Variants in DENND1A observed in about 807,000 individuals in gnomAD.
DENND1A encodes DENN domain containing 1A, also known as DENN domain-containing protein 1A.
In DENND1A, 51 loss-of-function variants were observed where a neutral mutation model predicts 113.7. That is an observed-to-expected ratio of 0.45 (90% CI 0.36 to 0.57). The LOEUF is 0.57. Ranked by LOEUF, DENND1A falls within the 20% of genes least tolerant of loss-of-function variation. The pLI, the probability that DENND1A is intolerant of heterozygous loss-of-function variation, is 0.00. For synonymous variants in DENND1A, 565 were observed against 570.8 expected (o/e 0.99, Z 0.14); for missense variants, 1,258 against 1,395.9 (o/e 0.90, Z 1.57).
chr9:123,854,424 G>T (rs973281544), intron 2 of DENND1A, among the ~76,000 whole-genome samples: 1 of 152,162 alleles, frequency 6.6e-6, no homozygotes, highest in East Asian at 1.9e-4. Flanking sequence ...AGCTGGGCAC[G>T]GTGGTTCACA....
intron 1 of DENND1A, among the ~76,000 whole-genome samples, chr9:123,899,748 G>A (rs1851309520): frequency 6.6e-6 from 1 of 152,114 alleles, no homozygotes; most frequent in Admixed American, 6.5e-5. Context: ...TCTTTCCTGT[G>A]CAATGTGAAA....
chr9:123,684,380 A>G (rs1295827457), intron 5 of DENND1A, among the ~76,000 whole-genome samples: 1 of 151,878 alleles, frequency 6.6e-6, no homozygotes, highest in Non-Finnish European at 1.5e-5. Context: ...GAGCTCTTCC[A>G]CTCCTATACT....
chr9:123,797,117 T>G (rs1157701889), intron 2 of DENND1A, among the ~76,000 whole-genome samples: 1 of 152,168 alleles, frequency 6.6e-6, no homozygotes, highest in Non-Finnish European at 1.5e-5. Flanking sequence ...TTTCAATCAA[T>G]AAGAGACAAA....
chr9:123,412,644 C>T (rs1016633561), intron 19 of DENND1A, among the ~76,000 whole-genome samples: 1 of 152,236 alleles, frequency 6.6e-6, no homozygotes, highest in Non-Finnish European at 1.5e-5. Flanking sequence ...CAGCTCTCCC[C>T]TCAAACCCTT....
At chr9:123,480,834 T>G (rs2050275361) in intron 13 of DENND1A, among the ~76,000 whole-genome samples, 1 of 152,246 alleles carries the variant, frequency 6.6e-6, no homozygotes. Flanking sequence ...CACTCTTGTA[T>G]GGGAGTGAGT....
intron 6 of DENND1A, among the ~76,000 whole-genome samples, chr9:123,673,530 C>A (rs1233288520): frequency 6.6e-6 from 1 of 152,186 alleles, no homozygotes; most frequent in Non-Finnish European, 1.5e-5. Context: ...CAGGTTATTT[C>A]TTCAATGAGA....
intron 5 of DENND1A, among the ~76,000 whole-genome samples, chr9:123,727,095 A>G (rs1450869605): frequency 6.6e-6 from 1 of 152,226 alleles, no homozygotes; most frequent in Non-Finnish European, 1.5e-5. Context: ...ATTCAACACA[A>G]TACCTTCTCT....
rs574023486 is a variant in DENND1A, at chr9:123,422,338, C to T, written c.1489-10509G>A. Among the ~76,000 whole-genome samples, 1 of 152,340 alleles carries T rather than the reference C, an allele frequency of 6.6e-6. No homozygotes were observed. The highest frequency in any genetic ancestry group is 2.1e-4 in the South Asian group (1 of 4,826). Reference sequence around the variant, plus strand: ...GCTTCTGATCAGGAAAAACCCTCTACCTACAGGTTTCCTAGCCTAACAGGT... The same window carrying T: ...GCTTCTGATCAGGAAAAACCCTCTATCTACAGGTTTCCTAGCCTAACAGGT... On this transcript the variant is annotated intron_variant, in intron 19 of 23. Coordinates refer to ENST00000394215, the MANE Select transcript of DENND1A (RefSeq NM_001352964.2). The surrounding 1 kb of genome is among the most constrained non-coding windows in gnomAD (Gnocchi z 4.8).
In DENND1A at chr9:123,609,473, A is replaced by G; in HGVS notation, c.728T>C (p.Met243Thr). The change falls in exon 11 of 24, where the codon ATG (methionine) becomes ACG (threonine). Residue 243 changes from methionine (M) to threonine (T), a missense_variant. Physicochemically the swap from Met to Thr is moderately conservative, Grantham distance 81. Transcript: ENST00000394215. Reference protein sequence around the residue: ...PHLLDYCCAPMPYLIGIHLSL... With the variant: ...PHLLDYCCAPTPYLIGIHLSL... ...TAAATGGATTCCTATGAGGTAGGGC[A>G]TGGGAGCACTGTGAAGAGAAACAGA... 1.2e-6 allele frequency: 2 copies of G among 1,613,614 alleles called. No homozygotes were observed. Among genetic ancestry groups the G allele is most frequent in the Non-Finnish European group, 1.7e-6 (2 of 1,179,756 alleles).
At chr9:123,662,565 A>AAAG (rs1297552431) in intron 8 of DENND1A, among the ~76,000 whole-genome samples, 1 of 152,206 alleles carries the variant, frequency 6.6e-6, no homozygotes, top group Non-Finnish European at 1.5e-5. Flanking sequence ...TGTCTCAAAA[A>AAAG]AAGAAGAAGA....
chr9:123,610,539 C>T (rs1027163966), intron 10 of DENND1A, among the ~76,000 whole-genome samples: 14 of 152,202 alleles, frequency 9.2e-5, no homozygotes, highest in Non-Finnish European at 1.9e-4. Context: ...CCATGCAATG[C>T]TTTCCTTTGG....
intron 2 of DENND1A, among the ~76,000 whole-genome samples, chr9:123,802,874 G>C (rs1457065073): frequency 1.3e-5 from 2 of 151,934 alleles, no homozygotes; most frequent in East Asian, 3.9e-4. Context: ...AGCTAATTTT[G>C]TACTTTTAGT....
chr9:123,796,069 G>A (rs1833711297), intron 2 of DENND1A, among the ~76,000 whole-genome samples: 1 of 152,018 alleles, frequency 6.6e-6, no homozygotes, highest in South Asian at 2.1e-4. Context: ...TCAACTCCCA[G>A]GAAAATACTT....
chr9:123,625,092 G>T (rs932780957), intron 10 of DENND1A, among the ~76,000 whole-genome samples: 8 of 152,088 alleles, frequency 5.3e-5, no homozygotes, highest in Non-Finnish European at 1.0e-4. Flanking sequence ...CTCTCTATAT[G>T]TATACATATA....
intron 13 of DENND1A, among the ~76,000 whole-genome samples, chr9:123,548,123 G>A (rs959449306): frequency 6.6e-6 from 1 of 152,112 alleles, no homozygotes; most frequent in African/African-American, 2.4e-5. Context: ...CATCACATTC[G>A]GTGGCCTCCT....
chr9:123,396,416 C>T (rs1203263950), intron 21 of DENND1A, among the ~76,000 whole-genome samples: 1 of 152,210 alleles, frequency 6.6e-6, no homozygotes, highest in Non-Finnish European at 1.5e-5. Flanking sequence ...AAGTGCTCTA[C>T]CCCTGTGTGA....
chr9:123,520,353 G>A (rs146492954), intron 13 of DENND1A, among the ~76,000 whole-genome samples: 1 of 152,052 alleles, frequency 6.6e-6, no homozygotes, highest in Non-Finnish European at 1.5e-5. Flanking sequence ...CAGCTACTCG[G>A]GAGGCTGAGG....
At chr9:123,647,902 T>G (rs2062425565) in intron 9 of DENND1A, among the ~76,000 whole-genome samples, 1 of 152,178 alleles carries the variant, frequency 6.6e-6, no homozygotes, top group Non-Finnish European at 1.5e-5. Flanking sequence ...CCAAGGGGTG[T>G]GTGTATACCC....
At chr9:123,748,541 T>C (rs1041136164) in intron 5 of DENND1A, among the ~76,000 whole-genome samples, 2 of 152,206 alleles carry the variant, frequency 1.3e-5, no homozygotes, top group Non-Finnish European at 2.9e-5. Flanking sequence ...CTTCTAAAAC[T>C]GATCCCTGAA....
Sources: gnomAD v4.1 joint callset for allele counts (sites outside exome capture counted in the v4.1 genomes callset) on GRCh38, gnomAD v4.1.1 for gene constraint, Gnocchi (gnomAD v3.1) non-coding constraint, MANE v1.5 for transcripts, NCBI Gene and HGNC (gene_info 2026-07-23, HGNC 2026-07-21) for gene names.